The following SLC12A9 variants were observed in gnomAD, a reference collection of about 807,000 sequenced individuals.
The protein encoded by SLC12A9 is solute carrier family 12 member 9, also known as CCC-interacting protein 1.
Under a neutral mutation model 66.0 loss-of-function variants are expected in SLC12A9, and 55 were observed. That is an observed-to-expected ratio of 0.83 (90% CI 0.67 to 1.04). The LOEUF (loss-of-function observed/expected upper bound fraction) is 1.04. SLC12A9 is among the 50% of genes least tolerant of loss of function. The pLI is 0.00. For missense variants in SLC12A9, 1,061 were observed against 1,241.9 expected (o/e 0.85, Z 2.19); for synonymous variants, 577 against 569.0 (o/e 1.01, Z -0.20).
At chr7:100,864,120 C>T (rs1814931790) in intron 13 of SLC12A9, among the ~76,000 whole-genome samples, 1 of 149,766 alleles carries the variant, frequency 6.7e-6, no homozygotes, top group Non-Finnish European at 1.5e-5. Flanking sequence ...ACTCTGTTGC[C>T]CAGGCTGGAG....
Position 100,857,155 on chromosome 7 carries a change from AC to A in SLC12A9, c.739del (p.Leu247Ter). The A allele has an allele frequency of 6.2e-7, 1 of 1,611,344 alleles. No individual in the cohort carries two copies. Among genetic ancestry groups the A allele is most frequent in the Non-Finnish European group, 8.5e-7 (1 of 1,178,052 alleles). On this transcript the variant is annotated frameshift_variant, in exon 5 of 14. Coordinates refer to ENST00000354161, the MANE Select transcript of SLC12A9 (RefSeq NM_020246.4). LOFTEE classifies it high-confidence loss of function. ...CCACTTCACCGGCTTCAACAGCAGTACCCTGAAGGACAACTTGGGCGGTGAG... is the reference window on the plus strand; with the variant it reads ...CCACTTCACCGGCTTCAACAGCAGTACCTGAAGGACAACTTGGGCGGTGAG... The part of the protein sequence containing the change: ...FGHFTGFNSS[T>X]LKDNLGAGYA...
intron 13 of SLC12A9, chr7:100,865,472 C>A (rs75492916): frequency 2.0e-6 from 3 of 1,532,806 alleles, no homozygotes; most frequent in Non-Finnish European, 2.6e-6. Flanking sequence ...AATCCTAAGG[C>A]GAACTTTGCC....
At chr7:100,832,185 C>T (rs1448668215) in intron 1 of SLC12A9, among the ~76,000 whole-genome samples, 1 of 151,912 alleles carries the variant, frequency 6.6e-6, no homozygotes, top group Non-Finnish European at 1.5e-5. Context: ...GGCAACAGAG[C>T]GAGACTCCGT....
Position 100,865,945 on chromosome 7 carries a change from G to A in SLC12A9, c.2085G>A (p.Lys695=). Residue 695 remains lysine, a synonymous_variant, in exon 14 of 14, where the codon AAG becomes AAA. Coordinates refer to ENST00000354161, the MANE Select transcript of SLC12A9 (RefSeq NM_020246.4). ...TGGCCGACGCCCTCAAGATGAACAA[G>A]AATGTGGTGCTGGCCCGGGCCAGCG... ...ATVADALKMN[K]NVVLARASGA... 3 of 1,613,382 alleles carry A rather than the reference G, an allele frequency of 1.9e-6. No individual in the cohort carries two copies. The highest frequency in any genetic ancestry group is 2.5e-6 in the Non-Finnish European group (3 of 1,180,016).
chr7:100,866,377 C>A lies in SLC12A9; in HGVS notation c.2517C>A (p.Ala839=). Residue 839 remains alanine (A), a synonymous_variant, in exon 14 of 14, where the codon GCC becomes GCA. Coordinates refer to ENST00000354161, the MANE Select transcript of SLC12A9 (RefSeq NM_020246.4). The surrounding 1 kb of genome is among the most constrained non-coding windows in gnomAD (Gnocchi z 7.3). Reference sequence around the variant, plus strand: ...AGGCCCTGGCACGCAGCGCCAACGCCCTGGTTCGGGCCCAGCAGGGGCGCG... The same window carrying A: ...AGGCCCTGGCACGCAGCGCCAACGCACTGGTTCGGGCCCAGCAGGGGCGCG... ...EAEALARSAN[A]LVRAQQGRGT... The A allele has an allele frequency of 6.6e-7, 1 of 1,523,648 alleles. No individual in the cohort carries two copies. The highest frequency in any genetic ancestry group is 1.2e-5 in the South Asian group (1 of 80,060). 94.4% of individuals were successfully genotyped at this position (1,523,648 alleles called of 1,614,324 possible).
upstream of SLC12A9, among the ~76,000 whole-genome samples, chr7:100,848,692 C>T (rs943433459): frequency 1.3e-5 from 2 of 151,944 alleles, no homozygotes; most frequent in Non-Finnish European, 2.9e-5. Flanking sequence ...CGAGACCATT[C>T]TGGCTAACAC....
At chr7:100,862,488 C>T (rs1814818198) in intron 12 of SLC12A9, among the ~76,000 whole-genome samples, 193 bp from the exon 13 acceptor site, 1 of 152,202 alleles carries the variant, frequency 6.6e-6, no homozygotes, top group South Asian at 2.1e-4. Context: ...TCAAGCAGCC[C>T]TCCCACCTTG....
chr7:100,857,441 G>T, intron 5 of SLC12A9: 1 of 528,262 alleles, frequency 1.9e-6, no homozygotes, highest in South Asian at 2.5e-5. Flanking sequence ...CAGTTAAATA[G>T]CACAGAATGG....
At position 100,855,808 on chromosome 7, in the gene SLC12A9, T is replaced by C; in HGVS notation, c.419T>C (p.Val140Ala). Residue 140 changes from valine (V) to alanine (A), a missense_variant, in exon 4 of 14, where the codon GTG becomes GCG. Transcript: ENST00000354161. The stretch of plus-strand genomic sequence containing the variant: ...TGTGCCGTCTCCCTCCTGGGGCTGG[T>C]GGAGTCTGTGCTTGATGTCTTCGGG... ...CGCAVSLLGL[V>A]ESVLDVFGAD... is the part of the protein sequence containing the mutation. The C allele has an allele frequency of 6.2e-7, 1 of 1,612,734 alleles. No individual in the cohort carries two copies.
intron 5 of SLC12A9, chr7:100,858,249 T>G (rs1814517208): frequency 6.6e-6 from 1 of 152,082 alleles, no homozygotes; most frequent in Non-Finnish European, 1.5e-5. Context: ...CCATCTCTAC[T>G]AAAAATACAA....
At chr7:100,838,218 C>G (rs986072661) in intron 1 of SLC12A9, among the ~76,000 whole-genome samples, 2 of 152,132 alleles carry the variant, frequency 1.3e-5, no homozygotes, top group African/African-American at 4.8e-5. Context: ...CCAGGCTGGT[C>G]TCACACTCCT....
rs1019511285 is a variant in SLC12A9 at position 100,865,759 on chromosome 7, T to C, written c.1899T>C (p.Asp633=). 1 of 1,613,608 alleles carries C rather than the reference T, an allele frequency of 6.2e-7. No homozygotes were observed. The highest frequency in any genetic ancestry group is 1.3e-5 in the African/African-American group (1 of 74,910). ...KPNTLVLGFY[D]DAPPQDHFLT... is the part of the protein sequence containing the mutation. Reference sequence around the variant, plus strand: ...ACACGTTGGTCCTAGGTTTCTACGATGACGCTCCACCGCAGGACCATTTCC... The same window carrying C: ...ACACGTTGGTCCTAGGTTTCTACGACGACGCTCCACCGCAGGACCATTTCC... The change falls in exon 14 of 14, where the codon GAT becomes GAC. Residue 633 remains aspartate (D), a synonymous_variant. Transcript: ENST00000354161.
At chr7:100,837,378 C>T (rs1285014406) in intron 1 of SLC12A9, 1 of 152,268 alleles carries the variant, frequency 6.6e-6, no homozygotes, top group Non-Finnish European at 1.5e-5. Context: ...CCCGTAGCCA[C>T]ACAATTCGCG....
chr7:100,866,556 C>G lies in SLC12A9; in HGVS notation c.2696C>G (p.Pro899Arg). ...LLETLTRDLG[P>R]TLLVHGVTPV... is the part of the protein sequence containing the mutation. ...GAGACTCTAACCCGAGACCTGGGCC[C>G]CACGCTGCTGGTTCATGGGGTCACT... The change falls in exon 14 of 14, where the codon CCC (proline) becomes CGC (arginine). Residue 899 changes from proline to arginine, a missense_variant. Transcript: ENST00000354161. This position sits in a 1 kb window ranked among gnomAD's most constrained non-coding sequence, Gnocchi z 7.3. 6.3e-7 allele frequency: 1 copy of G among 1,588,038 alleles called. No individual in the cohort carries two copies. Among genetic ancestry groups the G allele is most frequent in the Non-Finnish European group, 8.6e-7 (1 of 1,168,450 alleles).
chr7:100,859,549 C>A (rs189289178), intron 7 of SLC12A9: 15 of 371,604 alleles, frequency 4.0e-5, no homozygotes, highest in East Asian at 1.8e-4. Context: ...GAGCCTCCCC[C>A]CAAATACAAA....
intron 1 of SLC12A9, among the ~76,000 whole-genome samples, chr7:100,830,163 C>A (rs191121916): frequency 6.6e-6 from 1 of 151,922 alleles, no homozygotes; most frequent in Admixed American, 6.6e-5. Flanking sequence ...ACCAGCCTGG[C>A]CAACATAGTG....
intron 1 of SLC12A9, among the ~76,000 whole-genome samples, chr7:100,842,849 A>C (rs1813815027): frequency 6.6e-6 from 1 of 152,212 alleles, no homozygotes; most frequent in South Asian, 2.1e-4. Context: ...GCTCTTTTCC[A>C]GGATTCTACA....
intron 1 of SLC12A9, among the ~76,000 whole-genome samples, chr7:100,837,100 T>G (rs532218027): frequency 6.0e-4 from 92 of 152,272 alleles, no homozygotes; most frequent in African/African-American, 1.9e-3. Flanking sequence ...CGATCTCCTC[T>G]ATATCTATAC....
chr7:100,859,707 T>C (rs1814620899), intron 7 of SLC12A9, 178 bp from the exon 8 acceptor site: 2 of 742,204 alleles, frequency 2.7e-6, no homozygotes, highest in African/African-American at 1.8e-5. Context: ...TGAGACCTTG[T>C]CTCTTAAAAA....
Sources: gnomAD v4.1 joint callset for allele counts (sites outside exome capture counted in the v4.1 genomes callset) on GRCh38, gnomAD v4.1.1 for gene constraint, Gnocchi (gnomAD v3.1) non-coding constraint, MANE v1.5 for transcripts, NCBI Gene and HGNC (gene_info 2026-07-23, HGNC 2026-07-21) for gene names.